The following RNF150 variants were observed in gnomAD, a reference collection of about 807,000 sequenced individuals.
RNF150 encodes ring finger protein 150.
A neutral mutation model predicts 39.3 loss-of-function variants in RNF150; 24 were observed. That is an observed-to-expected ratio of 0.61 (90% CI 0.44 to 0.86). The LOEUF is 0.86. RNF150 is among the 40% of genes least tolerant of loss of function. The probability of loss-of-function intolerance (pLI) is 0.00; values close to 1 mark genes in which losing one functional copy is unlikely to be tolerated. For missense variants in RNF150, 502 were observed against 587.8 expected, an observed-to-expected ratio of 0.85 and a Z score of 1.51; for synonymous variants, 255 against 227.3, an observed-to-expected ratio of 1.12 and a Z score of -1.10.
chr4:141,082,881 A>G (rs533751818), intron 1 of RNF150, among the ~76,000 whole-genome samples: 1 of 152,324 alleles, frequency 6.6e-6, no homozygotes, highest in South Asian at 2.1e-4. Context: ...TATGTTAGCT[A>G]CACTTATAAG....
intron 1 of RNF150, among the ~76,000 whole-genome samples, chr4:141,047,459 C>T (rs1380390776): frequency 1.3e-5 from 2 of 152,096 alleles, no homozygotes; most frequent in Non-Finnish European, 2.9e-5. Context: ...GACGCACACA[C>T]AGATGGTGAC....
intron 1 of RNF150, among the ~76,000 whole-genome samples, chr4:141,178,334 AT>A (rs1727850898): frequency 6.6e-6 from 1 of 152,176 alleles, no homozygotes. Context: ...TGAATTAACA[AT>A]GCTGGCATAA....
At chr4:140,923,631 T>A (rs1036289808) in intron 5 of RNF150, among the ~76,000 whole-genome samples, 98 of 152,290 alleles carry the variant, frequency 6.4e-4, no homozygotes, top group Non-Finnish European at 9.6e-4. Flanking sequence ...GTATATACCC[T>A]AAGGATTATA....
In RNF150 at chr4:141,132,622, C is replaced by G; in HGVS notation, c.187G>C (p.Gly63Arg). ...PDPGAGAAGGGGAELHTEKTE... is the reference protein window; with the variant it reads ...PDPGAGAAGGRGAELHTEKTE... ...TTCTCCGTGTGCAGCTCCGCGCCGC[C>G]GCCGCCCGCCGCCCCGGCCCCGGGG... is the stretch of plus-strand genomic sequence containing the variant. The change falls in exon 1 of 7, where the codon GGC (glycine) becomes CGC (arginine). Residue 63 changes from glycine to arginine, a missense_variant. Physicochemically the swap from Gly to Arg is moderately radical, Grantham distance 125 (BLOSUM62 -2). Coordinates refer to ENST00000515673, the MANE Select transcript of RNF150 (RefSeq NM_020724.2). This position sits in a 1 kb window ranked among gnomAD's most constrained non-coding sequence, Gnocchi z 4.9. 1.3e-6 allele frequency: 2 copies of G among 1,549,768 alleles called. No homozygotes were observed. The highest frequency in any genetic ancestry group is 1.7e-6 in the Non-Finnish European group (2 of 1,152,138).
At chr4:141,204,583 A>T (rs940737597) in intron 1 of RNF150, among the ~76,000 whole-genome samples, 2 of 152,000 alleles carry the variant, frequency 1.3e-5, no homozygotes, top group Non-Finnish European at 1.5e-5. Flanking sequence ...TTGCCCCTTG[A>T]GGGTGGAGAG....
chr4:140,943,815 AT>A (rs888487189), intron 4 of RNF150, among the ~76,000 whole-genome samples: 1 of 152,136 alleles, frequency 6.6e-6, no homozygotes, highest in Non-Finnish European at 1.5e-5. Flanking sequence ...CAGGGTTTAC[AT>A]TTTTCCTTAG....
chr4:140,892,215 A>G (rs566952204), intron 6 of RNF150, among the ~76,000 whole-genome samples: 4 of 152,300 alleles, frequency 2.6e-5, no homozygotes, highest in South Asian at 4.2e-4. Context: ...CTATATAGCA[A>G]TGTACGAGGG....
chr4:140,909,270 T>C (rs924916906), intron 6 of RNF150, among the ~76,000 whole-genome samples: 1 of 152,200 alleles, frequency 6.6e-6, no homozygotes, highest in Non-Finnish European at 1.5e-5. Flanking sequence ...ATTCTAGATC[T>C]ATGCACTCCA....
chr4:141,201,563 T>C (rs1161171305), intron 1 of RNF150, among the ~76,000 whole-genome samples: 3 of 152,140 alleles, frequency 2.0e-5, no homozygotes, highest in Non-Finnish European at 2.9e-5. Flanking sequence ...CTTTCTCATT[T>C]TTCTCTCTGG....
At chr4:141,078,731 A>G (rs1394297926) in intron 1 of RNF150, among the ~76,000 whole-genome samples, 3 of 144,082 alleles carry the variant, frequency 2.1e-5, no homozygotes, top group Non-Finnish European at 3.0e-5. Flanking sequence ...TGGAGCTTGC[A>G]GTGAGCCGAG....
intron 1 of RNF150, among the ~76,000 whole-genome samples, chr4:140,980,066 G>C (rs921347414): frequency 2.0e-5 from 3 of 151,304 alleles, no homozygotes; most frequent in Non-Finnish European, 4.4e-5. Context: ...TTTTTTTGAC[G>C]GAGTCTCGCT....
intron 1 of RNF150, among the ~76,000 whole-genome samples, chr4:141,186,426 G>A (rs999670332): frequency 2.0e-5 from 3 of 151,836 alleles, no homozygotes; most frequent in African/African-American, 4.8e-5. Flanking sequence ...TTGAGAGGGG[G>A]TCTCTCCCTT....
chr4:141,067,705 T>C (rs1737517075), intron 1 of RNF150, among the ~76,000 whole-genome samples: 1 of 152,192 alleles, frequency 6.6e-6, no homozygotes, highest in Admixed American at 6.5e-5. Flanking sequence ...GATATGACTA[T>C]AAATTACTAA....
At chr4:141,093,380 G>A (rs1175367254) in intron 1 of RNF150, among the ~76,000 whole-genome samples, 8 of 58,258 alleles carry the variant, frequency 1.4e-4, no homozygotes, top group South Asian at 8.2e-4. Context: ...AAAAAAAAAG[G>A]GGGGGGAAAG....
At chr4:140,925,234 G>A (rs764971489) in intron 5 of RNF150, among the ~76,000 whole-genome samples, 1 of 152,146 alleles carries the variant, frequency 6.6e-6, no homozygotes, top group Admixed American at 6.6e-5. Flanking sequence ...TGCTGAGAGG[G>A]GAGAACACAT....
At chr4:141,004,920 G>C (rs1734808496) in intron 1 of RNF150, among the ~76,000 whole-genome samples, 1 of 152,174 alleles carries the variant, frequency 6.6e-6, no homozygotes. Context: ...ATTAAAAAAA[G>C]AGAAGTTCAA....
intron 1 of RNF150, among the ~76,000 whole-genome samples, chr4:141,063,400 C>A (rs7699273): frequency 0.44 from 66,221 of 152,064 alleles, 16,724 homozygotes; most frequent in Non-Finnish European, 0.58. Context: ...GTTCTTACAG[C>A]CATTTAGGTT....
chr4:140,925,934 A>G (rs759784594), intron 5 of RNF150, 43 bp downstream of exon 5: 2 of 1,388,492 alleles, frequency 1.4e-6, no homozygotes, highest in Non-Finnish European at 2.1e-6. Context: ...AGGGCAACGC[A>G]GAAAGACAGA....
At chr4:141,091,548 C>T (rs1206602469) in intron 1 of RNF150, among the ~76,000 whole-genome samples, 1 of 152,078 alleles carries the variant, frequency 6.6e-6, no homozygotes. Context: ...AAGTAGACTC[C>T]ACTGTTTCAA....
Sources: allele counts gnomAD v4.1 joint callset (sites outside exome capture counted in the v4.1 genomes callset), GRCh38; gene constraint gnomAD v4.1.1; non-coding constraint Gnocchi (gnomAD v3.1); transcripts MANE v1.5; gene names NCBI Gene and HGNC (gene_info 2026-07-23, HGNC 2026-07-21).